The following PDE4D variants were observed in gnomAD, a reference collection of about 807,000 sequenced individuals.
PDE4D encodes phosphodiesterase 4D.
PDE4D carries 24 observed loss-of-function variants against 87.4 expected under a neutral mutation model. The ratio of observed to expected loss-of-function variants is 0.27; its 90% CI spans 0.20 to 0.39. The LOEUF (loss-of-function observed/expected upper bound fraction) is 0.39, where lower values mean the gene tolerates loss of function less well. Among genes scored for constraint, PDE4D ranks in the 10% least tolerant of loss-of-function variants. The probability of loss-of-function intolerance (pLI) is 1.00; values close to 1 mark genes in which losing one functional copy is unlikely to be tolerated. For missense variants in PDE4D, 714 were observed against 1,041.0 expected (o/e 0.69, Z 4.32); for synonymous variants, 384 against 383.2 (o/e 1.00, Z -0.02).
At chr5:60,153,512 A>C (rs192191213) in intron 2 of PDE4D, among the ~76,000 whole-genome samples, 2 of 152,220 alleles carry the variant, frequency 1.3e-5, no homozygotes, top group South Asian at 4.1e-4. Context: ...TGGAATTTCT[A>C]CTTCGGGGCA....
At chr5:59,520,694 G>T (rs542435847) in intron 1 of PDE4D, among the ~76,000 whole-genome samples, 9 of 152,158 alleles carry the variant, frequency 5.9e-5, no homozygotes, top group African/African-American at 2.2e-4. Context: ...ATATAGGTTA[G>T]ATTTAGGAAA....
chr5:60,285,901 C>T (rs1255920473), intron 1 of PDE4D, among the ~76,000 whole-genome samples: 1 of 152,178 alleles, frequency 6.6e-6, no homozygotes. Context: ...AAAACTGTTT[C>T]AAATGCAATC....
At chr5:60,382,222 A>G (rs930849059) in intron 1 of PDE4D, among the ~76,000 whole-genome samples, 7 of 152,182 alleles carry the variant, frequency 4.6e-5, no homozygotes, top group Admixed American at 3.3e-4. Context: ...TTATTTCCAA[A>G]TAAACTGGGG....
chr5:60,437,931 T>C (rs1744889335), intron 1 of PDE4D, among the ~76,000 whole-genome samples: 1 of 152,116 alleles, frequency 6.6e-6, no homozygotes, highest in Non-Finnish European at 1.5e-5. Flanking sequence ...ACTGACTTTG[T>C]CTTAAGGAAA....
chr5:59,486,270 C>G (rs1379144294), intron 1 of PDE4D, among the ~76,000 whole-genome samples: 1 of 152,138 alleles, frequency 6.6e-6, no homozygotes, highest in Non-Finnish European at 1.5e-5. Context: ...GCTCCACCCT[C>G]CCAACTCCTG....
intron 1 of PDE4D, among the ~76,000 whole-genome samples, chr5:60,483,721 T>G (rs920273713): frequency 6.6e-6 from 1 of 152,198 alleles, no homozygotes; most frequent in African/African-American, 2.4e-5. Flanking sequence ...CTACTACAAA[T>G]GAAATTGTTT....
chr5:60,508,205 T>A (rs1051587886), intron 1 of PDE4D, among the ~76,000 whole-genome samples: 1 of 152,224 alleles, frequency 6.6e-6, no homozygotes, highest in Non-Finnish European at 1.5e-5. Context: ...TACGTTGGGT[T>A]CCTTGTTGTT....
intron 4 of PDE4D, among the ~76,000 whole-genome samples, chr5:59,181,089 A>G (rs1741435100): frequency 6.6e-6 from 1 of 152,142 alleles, no homozygotes; most frequent in Non-Finnish European, 1.5e-5. Context: ...TTTGTTGTAA[A>G]CTATCTTATA....
chr5:60,326,332 C>G (rs1756791103), intron 1 of PDE4D, among the ~76,000 whole-genome samples: 1 of 152,058 alleles, frequency 6.6e-6, no homozygotes, highest in South Asian at 2.1e-4. Flanking sequence ...CAAGCATTTG[C>G]TCTTGTCATT....
intron 6 of PDE4D, among the ~76,000 whole-genome samples, chr5:59,008,974 T>C (rs2936201): frequency 0.94 from 142,676 of 152,146 alleles, 67,033 homozygotes; most frequent in East Asian, 1. Context: ...AAAAGATCCA[T>C]GACCATCATT....
intron 1 of PDE4D, among the ~76,000 whole-genome samples, chr5:60,517,422 C>T (rs143612766): frequency 6.6e-6 from 1 of 152,352 alleles, no homozygotes; most frequent in African/African-American, 2.4e-5. Context: ...GCTGCTAGTT[C>T]CACAGACTGG....
At chr5:59,484,305 A>C (rs1804739996) in intron 1 of PDE4D, among the ~76,000 whole-genome samples, 1 of 152,200 alleles carries the variant, frequency 6.6e-6, no homozygotes, top group South Asian at 2.1e-4. Flanking sequence ...CTGATGAATA[A>C]TGCTTATGTT....
chr5:59,435,465 A>G (rs1236111259), intron 1 of PDE4D, among the ~76,000 whole-genome samples: 1 of 152,154 alleles, frequency 6.6e-6, no homozygotes, highest in Non-Finnish European at 1.5e-5. Flanking sequence ...TACTCTGGCA[A>G]GAACATTTTT....
chr5:59,324,943 G>GTAAT (rs2153573353), intron 1 of PDE4D, among the ~76,000 whole-genome samples: 1 of 152,236 alleles, frequency 6.6e-6, no homozygotes, highest in East Asian at 1.9e-4. Flanking sequence ...TGGCATCATG[G>GTAAT]TAATTAATAG....
At chr5:60,516,945 C>G (rs1344002309) in intron 1 of PDE4D, among the ~76,000 whole-genome samples, 1 of 152,128 alleles carries the variant, frequency 6.6e-6, no homozygotes, top group African/African-American at 2.4e-5. Context: ...TCCTGCCCTC[C>G]TGGGCACAGC....
At chr5:59,931,948 G>C (rs1220860148) in intron 3 of PDE4D, among the ~76,000 whole-genome samples, 1 of 152,062 alleles carries the variant, frequency 6.6e-6, no homozygotes, top group Non-Finnish European at 1.5e-5. Context: ...TAATCTGCCC[G>C]CCTTGGCCTC....
intron 1 of PDE4D, among the ~76,000 whole-genome samples, chr5:59,360,446 T>C (rs572558710): frequency 6.6e-6 from 1 of 152,286 alleles, no homozygotes; most frequent in East Asian, 1.9e-4. Flanking sequence ...TAACAGACTG[T>C]TATTTACCAT....
rs59729469 is a variant in PDE4D, at chr5:59,452,955, C to CT, written c.456-236988dup. The stretch of plus-strand genomic sequence containing the variant: ...GTTTTGTTGTGCTTTGCAGAGATGG[C>CT]TTTTTTTTTTTTTTTAACAAAATGG... On this transcript the variant is annotated intron_variant, in intron 1 of 14. Transcript: ENST00000340635. Among the ~76,000 whole-genome samples the CT allele has an allele frequency of 9.9e-3, 1,304 of 132,372 alleles. 7 individuals are homozygous for CT. The highest frequency in any genetic ancestry group is 0.012 in the East Asian group (57 of 4,602). The allele number at this position is 132,372 out of a possible 152,430, so 86.8% of individuals were successfully genotyped here. A position where few individuals can be genotyped will look rare whatever the true frequency, so the allele number is the denominator to read the frequency against.
At chr5:59,364,366 A>C (rs1041714706) in intron 1 of PDE4D, among the ~76,000 whole-genome samples, 2 of 140,900 alleles carry the variant, frequency 1.4e-5, no homozygotes, top group African/African-American at 4.9e-5. Flanking sequence ...TTAGAGAATA[A>C]GCCATTTTTA....
Sources: gnomAD v4.1 joint callset for allele counts (sites outside exome capture counted in the v4.1 genomes callset) on GRCh38, gnomAD v4.1.1 for gene constraint, MANE v1.5 for transcripts, NCBI Gene and HGNC (gene_info 2026-07-23, HGNC 2026-07-21) for gene names.